The following RPS3 variants were observed in gnomAD, a reference collection of about 807,000 sequenced individuals.
RPS3 encodes the protein small ribosomal subunit protein uS3.
RPS3 carries 2 observed loss-of-function variants against 25.8 expected under a neutral mutation model. That is an observed-to-expected ratio of 0.08 (90% CI 0.03 to 0.24). The LOEUF is 0.24. RPS3 is among the 10% of genes least tolerant of loss of function. The pLI is 1.00. For missense variants in RPS3, 107 were observed against 307.1 expected, an observed-to-expected ratio of 0.35 and a Z score of 4.87; for synonymous variants, 114 against 114.2, an observed-to-expected ratio of 1.00 and a Z score of 0.01.
At chr11:75,420,482 G>C (rs953780338) in intron 6 of RPS3, among the ~76,000 whole-genome samples, 2 of 152,196 alleles carry the variant, frequency 1.3e-5, no homozygotes, top group African/African-American at 4.8e-5. Flanking sequence ...AGTGTGGAGA[G>C]AGCTGGCTTC....
At chr11:75,409,926 C>T (rs1289527598), downstream of RPS3, among the ~76,000 whole-genome samples, 4 of 134,028 alleles carry the variant, frequency 3.0e-5, no homozygotes, top group Admixed American at 2.1e-4. Flanking sequence ...ACGGGGCGGC[C>T]GGCCGGGCGG....
chr11:75,411,022 G>T (rs1415919858), downstream of RPS3, among the ~76,000 whole-genome samples: 1 of 152,110 alleles, frequency 6.6e-6, no homozygotes, highest in Non-Finnish European at 1.5e-5. Context: ...GACTACAGGT[G>T]CCTGCCACCA....
chr11:75,408,289 G>T (rs1038954006), downstream of RPS3, among the ~76,000 whole-genome samples: 3 of 152,114 alleles, frequency 2.0e-5, no homozygotes, highest in African/African-American at 4.8e-5. Context: ...GATCACTTGA[G>T]CCCAGAAGTT....
chr11:75,416,435 T>C (rs1467520978), intron 6 of RPS3, among the ~76,000 whole-genome samples: 1 of 147,290 alleles, frequency 6.8e-6, no homozygotes, highest in African/African-American at 2.5e-5. Context: ...TGTGCCTTGT[T>C]CCATTTTCCA....
At chr11:75,401,206 G>T (rs1948205378) in intron 2 of RPS3, among the ~76,000 whole-genome samples, 1 of 152,156 alleles carries the variant, frequency 6.6e-6, no homozygotes, top group African/African-American at 2.4e-5. Flanking sequence ...GAACTTAAGG[G>T]GACAGACGGA....
Position 75,404,490 on chromosome 11 carries a change from C to A in RPS3, c.539-182C>A. 1 of 801,320 alleles carries A rather than the reference C, an allele frequency of 1.2e-6. No homozygotes were observed. 49.6% of individuals were successfully genotyped at this position (801,320 alleles called of 1,614,324 possible). A position where few individuals can be genotyped will look rare whatever the true frequency, so the allele number is the denominator to read the frequency against. ...TCTTGGTCCTTGTCAGTGCCATGTT[C>A]TGTGGTGCTGTGCACGAGTTCCTTT... On this transcript the variant is annotated intron_variant, in intron 5 of 6. Coordinates refer to ENST00000531188, the MANE Select transcript of RPS3 (RefSeq NM_001005.5). The surrounding 1 kb of genome is among the most constrained non-coding windows in gnomAD (Gnocchi z 4.6).
At chr11:75,411,433 A>C (rs1419967491), downstream of RPS3, among the ~76,000 whole-genome samples, 1 of 152,156 alleles carries the variant, frequency 6.6e-6, no homozygotes, top group Non-Finnish European at 1.5e-5. Context: ...TCTGTCGCCC[A>C]GGCTGGAGTG....
intron 3 of RPS3, chr11:75,402,018 G>GAAC: frequency 1.8e-6 from 1 of 548,236 alleles, no homozygotes; most frequent in Non-Finnish European, 3.2e-6. Context: ...GGAGGGCAAG[G>GAAC]AACCTGCATT....
downstream of RPS3, among the ~76,000 whole-genome samples, chr11:75,410,550 G>A (rs1216518920): frequency 3.6e-3 from 546 of 151,952 alleles, 1 homozygote; most frequent in African/African-American, 0.012. Context: ...GACGATGGGC[G>A]GCCAGGCAGA....
intron 6 of RPS3, among the ~76,000 whole-genome samples, chr11:75,419,434 A>G (rs1326448863): frequency 6.6e-6 from 1 of 151,942 alleles, no homozygotes; most frequent in Admixed American, 6.6e-5. Flanking sequence ...CACACCTGTA[A>G]TCCCAGCTAC....
chr11:75,415,402 C>T lies in RPS3; in HGVS notation c.*4-6325C>T, dbSNP rs571836943. ...ATAACAGTTAAGAGCCCAGCTCTGG[C>T]GGGGTGTGGTGGCTCACACCAGCAT... On this transcript the variant is annotated intron_variant, in intron 6 of 6. Transcript: ENST00000527446. Among the ~76,000 whole-genome samples, 19 of 152,308 alleles carry T rather than the reference C, an allele frequency of 1.2e-4. No homozygotes were observed. In the South Asian group the frequency reaches 1.9e-3, roughly 15 times the overall value.
At position 75,404,505 on chromosome 11, in the gene RPS3, C is replaced by T. The variant is rs575321632; in HGVS notation, c.539-167C>T. On this transcript the variant is annotated intron_variant, in intron 5 of 6. Coordinates refer to ENST00000531188, the MANE Select transcript of RPS3 (RefSeq NM_001005.5). This position sits in a 1 kb window ranked among gnomAD's most constrained non-coding sequence, Gnocchi z 4.6. Reference sequence around the variant, plus strand: ...GTGCCATGTTCTGTGGTGCTGTGCACGAGTTCCTTTGGCAGAAGTGTCCTA... The same window carrying T: ...GTGCCATGTTCTGTGGTGCTGTGCATGAGTTCCTTTGGCAGAAGTGTCCTA... 1.2e-5 allele frequency: 10 copies of T among 819,086 alleles called. No individual in the cohort carries two copies. Among genetic ancestry groups the T allele is most frequent in the African/African-American group, 1.0e-4 (6 of 60,006 alleles). 50.7% of individuals were successfully genotyped at this position (819,086 alleles called of 1,614,324 possible).
At chr11:75,410,729 A>G (rs1948348288), downstream of RPS3, among the ~76,000 whole-genome samples, 1 of 152,172 alleles carries the variant, frequency 6.6e-6, no homozygotes, top group Admixed American at 6.5e-5. Flanking sequence ...TCCGTCTGCA[A>G]TCCCGGCACC....
intron 6 of RPS3, among the ~76,000 whole-genome samples, chr11:75,412,732 T>G (rs908362770): frequency 1.3e-5 from 2 of 152,198 alleles, no homozygotes; most frequent in Admixed American, 1.3e-4. Flanking sequence ...AAAATCTGAT[T>G]GCCAGTGAAA....
At chr11:75,401,233 T>C (rs2135050845) in intron 2 of RPS3, among the ~76,000 whole-genome samples, 1 of 152,300 alleles carries the variant, frequency 6.6e-6, no homozygotes, top group South Asian at 2.1e-4. Context: ...AATCTGGGCT[T>C]AGTGAATGTA....
intron 1 of RPS3, 152 bp downstream of exon 1, chr11:75,399,729 TGAGTGAGAGG>T: frequency 1.5e-6 from 1 of 665,988 alleles, no homozygotes; most frequent in Non-Finnish European, 2.6e-6. Flanking sequence ...GGCGGTGGAT[TGAGTGAGAGG>T]CCCCAGCCAG....
downstream of RPS3, among the ~76,000 whole-genome samples, chr11:75,407,863 G>T (rs549634750): frequency 2.0e-5 from 3 of 152,334 alleles, no homozygotes; most frequent in East Asian, 5.8e-4. Flanking sequence ...GTTTTCTCCA[G>T]TCCACTTGGA....
At chr11:75,408,666 C>A (rs571875728), downstream of RPS3, among the ~76,000 whole-genome samples, 38 of 152,178 alleles carry the variant, frequency 2.5e-4, no homozygotes, top group South Asian at 7.7e-3. Context: ...CAACCTCAGC[C>A]TCCTGAGTAG....
intron 6 of RPS3, among the ~76,000 whole-genome samples, chr11:75,414,831 C>T (rs1043372942): frequency 1.3e-5 from 2 of 152,130 alleles, no homozygotes; most frequent in Non-Finnish European, 1.5e-5. Context: ...CCACCATTAG[C>T]GGAGAGAACC....
Sources: allele counts gnomAD v4.1 joint callset (sites outside exome capture counted in the v4.1 genomes callset), GRCh38; gene constraint gnomAD v4.1.1; non-coding constraint Gnocchi (gnomAD v3.1); transcripts MANE v1.5; gene names NCBI Gene and HGNC (gene_info 2026-07-23, HGNC 2026-07-21).